Variants in SPIDR observed in about 807,000 individuals in gnomAD.
SPIDR encodes the protein scaffold protein involved in DNA repair.
Under a neutral mutation model 104.6 loss-of-function variants are expected in SPIDR, and 93 were observed. The observed-to-expected ratio is 0.89, with a 90% CI of 0.75 to 1.06. The LOEUF is 1.06. SPIDR is among the 50% of genes least tolerant of loss of function. The pLI is 0.00. For missense variants in SPIDR, 1,154 were observed against 1,111.2 expected (o/e 1.04, Z -0.55); for synonymous variants, 431 against 416.9 (o/e 1.03, Z -0.41).
At chr8:47,311,227 G>C (rs969077833) in intron 5 of SPIDR, among the ~76,000 whole-genome samples, 6 of 152,182 alleles carry the variant, frequency 3.9e-5, no homozygotes, top group Non-Finnish European at 7.3e-5. Flanking sequence ...AGGAGTCATT[G>C]AAGTTGTTGG....
At chr8:47,342,029 G>A (rs965140004) in intron 5 of SPIDR, among the ~76,000 whole-genome samples, 6 of 151,986 alleles carry the variant, frequency 3.9e-5, no homozygotes, top group African/African-American at 1.5e-4. Context: ...TATTTCTAGC[G>A]ATCTCGAAAA....
At chr8:47,610,725 C>T (rs1026706731) in intron 10 of SPIDR, among the ~76,000 whole-genome samples, 7 of 152,302 alleles carry the variant, frequency 4.6e-5, no homozygotes, top group African/African-American at 1.7e-4. Flanking sequence ...GTTGGACACC[C>T]CCTTCCCACG....
At chr8:47,679,299 G>A (rs1054147552) in intron 11 of SPIDR, among the ~76,000 whole-genome samples, 1 of 152,222 alleles carries the variant, frequency 6.6e-6, no homozygotes, top group African/African-American at 2.4e-5. Flanking sequence ...CATATGAGGA[G>A]CCCTCCAGTG....
chr8:47,325,323 T>C (rs782598534), intron 5 of SPIDR, among the ~76,000 whole-genome samples: 1 of 152,160 alleles, frequency 6.6e-6, no homozygotes, highest in Non-Finnish European at 1.5e-5. Flanking sequence ...AGAGGTAGTA[T>C]ATTAAAATTA....
At chr8:47,356,748 T>C (rs1315072258) in intron 5 of SPIDR, among the ~76,000 whole-genome samples, 17 of 151,656 alleles carry the variant, frequency 1.1e-4, no homozygotes, top group Admixed American at 9.9e-4. Flanking sequence ...GGATAGGGGG[T>C]GGTTTGCATC....
intron 19 of SPIDR, among the ~76,000 whole-genome samples, chr8:47,731,321 G>C (rs1249031982): frequency 6.6e-6 from 1 of 152,114 alleles, no homozygotes; most frequent in Non-Finnish European, 1.5e-5. Flanking sequence ...GCTCCTCAGT[G>C]ACCCCGAGCT....
chr8:47,356,661 T>A (rs1380207757), intron 5 of SPIDR, among the ~76,000 whole-genome samples: 2 of 152,204 alleles, frequency 1.3e-5, no homozygotes, highest in Non-Finnish European at 2.9e-5. Flanking sequence ...TATGATTGTA[T>A]AACTTATATT....
intron 1 of SPIDR, among the ~76,000 whole-genome samples, chr8:47,270,608 C>A (rs2035107897): frequency 6.6e-6 from 1 of 150,824 alleles, no homozygotes; most frequent in South Asian, 2.1e-4. Flanking sequence ...TTTTTATATT[C>A]TTTGTTGTTT....
intron 7 of SPIDR, among the ~76,000 whole-genome samples, chr8:47,435,018 C>G (rs1253939209): frequency 6.6e-6 from 1 of 151,748 alleles, no homozygotes; most frequent in Admixed American, 6.6e-5. Context: ...CTCTGTGAGT[C>G]AGGTACTTGA....
chr8:47,488,865 G>A (rs1219185545), intron 8 of SPIDR, among the ~76,000 whole-genome samples: 4 of 152,030 alleles, frequency 2.6e-5, no homozygotes, highest in Admixed American at 6.6e-5. Flanking sequence ...AATAATAAGA[G>A]CTATCTATGA....
chr8:47,345,169 C>G (rs1187731109), intron 5 of SPIDR, among the ~76,000 whole-genome samples: 1 of 152,202 alleles, frequency 6.6e-6, no homozygotes, highest in Non-Finnish European at 1.5e-5. Context: ...CCAGTTTCAG[C>G]TTTCTACATA....
At chr8:47,696,849 G>A (rs868272781) in intron 11 of SPIDR, among the ~76,000 whole-genome samples, 2 of 152,234 alleles carry the variant, frequency 1.3e-5, no homozygotes, top group Non-Finnish European at 2.9e-5. Flanking sequence ...AATTTCTGCC[G>A]TGGAAGGTGG....
intron 8 of SPIDR, among the ~76,000 whole-genome samples, chr8:47,475,202 T>A (rs1554723074): frequency 2.0e-5 from 3 of 152,212 alleles, no homozygotes; most frequent in Non-Finnish European, 1.5e-5. Context: ...TGAGTTCGTA[T>A]ACCTGCTGGT....
intron 10 of SPIDR, among the ~76,000 whole-genome samples, chr8:47,662,218 G>A (rs1003116361): frequency 1.2e-4 from 19 of 152,166 alleles, no homozygotes; most frequent in Non-Finnish European, 2.6e-4. Context: ...AAAGAGGGTG[G>A]CAGCATCTGA....
intron 8 of SPIDR, among the ~76,000 whole-genome samples, chr8:47,504,906 C>T (rs544231645): frequency 6.6e-6 from 1 of 152,340 alleles, no homozygotes; most frequent in African/African-American, 2.4e-5. Context: ...ACTCCAGACC[C>T]TGTTTGCCTG....
chr8:47,685,838 C>T (rs1395756170), intron 11 of SPIDR, among the ~76,000 whole-genome samples: 2 of 151,506 alleles, frequency 1.3e-5, no homozygotes, highest in African/African-American at 4.8e-5. Context: ...AGGTGTGAGC[C>T]ACCGTACCTG....
chr8:47,271,578 T>G (rs2035330835), intron 1 of SPIDR, among the ~76,000 whole-genome samples: 1 of 152,148 alleles, frequency 6.6e-6, no homozygotes, highest in Non-Finnish European at 1.5e-5. Context: ...TTATAATTTC[T>G]GTGTCTTTAT....
intron 8 of SPIDR, among the ~76,000 whole-genome samples, chr8:47,482,898 C>T (rs1363478837): frequency 2.6e-5 from 4 of 151,954 alleles, no homozygotes; most frequent in South Asian, 4.1e-4. Context: ...TGCAGTGGTG[C>T]GATCTCAGCA....
At chr8:47,284,651 T>A (rs888138023) in intron 3 of SPIDR, among the ~76,000 whole-genome samples, 2 of 152,194 alleles carry the variant, frequency 1.3e-5, no homozygotes, top group Non-Finnish European at 2.9e-5. Context: ...TTGGTTCTCA[T>A]GGTCAGGAGG....
Sources: allele counts gnomAD v4.1 joint callset (sites outside exome capture counted in the v4.1 genomes callset), GRCh38; gene constraint gnomAD v4.1.1; transcripts MANE v1.5; gene names NCBI Gene and HGNC (gene_info 2026-07-23, HGNC 2026-07-21).